Variants in OCA2 observed in about 807,000 individuals in gnomAD.
OCA2 encodes the protein P protein.
OCA2 carries 77 observed loss-of-function variants against 100.2 expected under a neutral mutation model. The observed-to-expected ratio is 0.77, with a 90% confidence interval of 0.64 to 0.93. OCA2 has a LOEUF of 0.93. Among genes scored for constraint, OCA2 ranks in the 40% least tolerant of loss-of-function variants. The pLI, the probability that OCA2 is intolerant of heterozygous loss-of-function variation, is 0.00. For synonymous variants in OCA2, 432 were observed against 439.2 expected, an observed-to-expected ratio of 0.98 and a Z score of 0.21; for missense variants, 1,062 against 1,089.1, an observed-to-expected ratio of 0.98 and a Z score of 0.35.
intron 21 of OCA2, 54 bp downstream of exon 21, chr15:27,871,100 C>G (rs2151495621): frequency 7.5e-7 from 1 of 1,328,920 alleles, no homozygotes; most frequent in South Asian, 1.2e-5. Context: ...AGGGTGAGCC[C>G]CAGGCTATGT....
At chr15:27,791,999 G>T (rs1279060136) in intron 23 of OCA2, among the ~76,000 whole-genome samples, 1 of 152,144 alleles carries the variant, frequency 6.6e-6, no homozygotes, top group Non-Finnish European at 1.5e-5. Context: ...CCAAGGAGGG[G>T]AGGAGCCCAA....
intron 23 of OCA2, among the ~76,000 whole-genome samples, chr15:27,760,892 G>C (rs2030781286): frequency 6.6e-6 from 1 of 152,084 alleles, no homozygotes; most frequent in South Asian, 2.1e-4. Flanking sequence ...GAAAATAAAA[G>C]GGGAGGGAAC....
intron 15 of OCA2, among the ~76,000 whole-genome samples, chr15:27,966,300 C>A (rs1251837922): frequency 1.3e-5 from 2 of 152,134 alleles, no homozygotes; most frequent in African/African-American, 4.8e-5. Flanking sequence ...ATTGACAGGG[C>A]CCATCACCTC....
chr15:27,947,485 CCTCT>C (rs1045286918), intron 18 of OCA2, among the ~76,000 whole-genome samples: 10 of 152,190 alleles, frequency 6.6e-5, no homozygotes, highest in African/African-American at 1.9e-4. Context: ...TCAGGGCTCT[CCTCT>C]CTGTCACCAC....
chr15:27,763,904 G>T lies in OCA2; in HGVS notation c.2433-8432C>A, dbSNP rs2031042723. 1.3e-5 allele frequency among the ~76,000 whole-genome samples: 2 copies of T among 152,204 alleles called. 1 individual carries two copies. The highest frequency in any genetic ancestry group is 4.1e-4 in the South Asian group (2 of 4,830). On this transcript the variant is annotated intron_variant, in intron 23 of 23. Coordinates refer to ENST00000354638, the MANE Select transcript of OCA2 (RefSeq NM_000275.3). ...GACATTTAATATTCACTGAGCTTCA[G>T]GAGAGCTGATCACCCCAGGCCAAGG...
intron 19 of OCA2, chr15:27,895,987 C>T (rs779786940): frequency 8.8e-5 from 72 of 818,632 alleles, no homozygotes; most frequent in South Asian, 1.9e-4. Context: ...TGACCAATTA[C>T]GCTGCGGTGT....
intron 19 of OCA2, among the ~76,000 whole-genome samples, chr15:27,879,833 T>G (rs2036941981): frequency 6.6e-6 from 1 of 152,244 alleles, no homozygotes. Flanking sequence ...TTTCTTTTGC[T>G]GTGCAGAAGT....
chr15:27,958,966 G>A (rs1489599317), intron 15 of OCA2, among the ~76,000 whole-genome samples: 2 of 152,116 alleles, frequency 1.3e-5, no homozygotes, highest in Non-Finnish European at 2.9e-5. Context: ...ATGGGAAAAC[G>A]CCACCTTTTA....
downstream of OCA2, among the ~76,000 whole-genome samples, chr15:27,751,060 G>A (rs539697490): frequency 1.4e-4 from 22 of 152,264 alleles, no homozygotes; most frequent in African/African-American, 5.3e-4. Flanking sequence ...TTCCTCAGAG[G>A]GACCTGTGGC....
At chr15:27,963,823 G>T (rs931533158) in intron 15 of OCA2, among the ~76,000 whole-genome samples, 1 of 151,892 alleles carries the variant, frequency 6.6e-6, no homozygotes, top group African/African-American at 2.4e-5. Context: ...ATCAAAAGCT[G>T]GTTCTTTGAG....
chr15:27,870,847 A>AAAGC (rs981734839), intron 21 of OCA2, among the ~76,000 whole-genome samples: 1 of 152,076 alleles, frequency 6.6e-6, no homozygotes, highest in East Asian at 1.9e-4. Flanking sequence ...AGAAAGAGAG[A>AAAGC]AAGCAAGCAA....
At chr15:28,077,923 TACA>T (rs1385930686) in intron 2 of OCA2, among the ~76,000 whole-genome samples, 7 of 152,140 alleles carry the variant, frequency 4.6e-5, no homozygotes, top group African/African-American at 1.7e-4. Flanking sequence ...CTACTAAATA[TACA>T]ACAATTAGCC....
At chr15:27,827,073 C>T (rs1274603519) in intron 23 of OCA2, among the ~76,000 whole-genome samples, 2 of 152,212 alleles carry the variant, frequency 1.3e-5, no homozygotes, top group African/African-American at 4.8e-5. Context: ...AGACAGTAAG[C>T]AGCCTCTCAC....
intron 2 of OCA2, among the ~76,000 whole-genome samples, chr15:28,052,043 A>AC (rs1422349926): frequency 2.0e-5 from 3 of 151,336 alleles, no homozygotes; most frequent in East Asian, 2.0e-4. Flanking sequence ...CAGATCAGTG[A>AC]CCCCCCTCAG....
chr15:27,740,472 G>A, the OCA2 span, among the ~76,000 whole-genome samples: 5 of 152,124 alleles, frequency 3.3e-5, no homozygotes, highest in African/African-American at 1.2e-4. Flanking sequence ...CGTGCATCTG[G>A]TCATCTCTCC....
At position 28,043,827 on chromosome 15, in the gene OCA2, TC is replaced by T. The variant is rs1393783370; in HGVS notation, c.228-11665del. Among the ~76,000 whole-genome samples, 1 of 152,178 alleles carries T rather than the reference TC, an allele frequency of 6.6e-6. No individual in the cohort carries two copies. The highest frequency in any genetic ancestry group is 1.5e-5 in the Non-Finnish European group (1 of 68,032). On this transcript the variant is annotated intron_variant, in intron 2 of 23. Transcript: ENST00000354638. This position sits in a 1 kb window ranked among gnomAD's most constrained non-coding sequence, Gnocchi z 4.4. ...TGCACAAAGCACAGAAGTATACTCCTCCCAAAACAAACCAGATGGGCTATGC... is the reference window on the plus strand; with the variant it reads ...TGCACAAAGCACAGAAGTATACTCCTCCAAAACAAACCAGATGGGCTATGC...
intron 19 of OCA2, among the ~76,000 whole-genome samples, chr15:27,894,784 C>T (rs1374837401): frequency 6.6e-6 from 1 of 152,170 alleles, no homozygotes; most frequent in Non-Finnish European, 1.5e-5. Context: ...TTGTGACGTA[C>T]ACCTCTGTCT....
chr15:27,769,527 C>A (rs566887929), intron 23 of OCA2, among the ~76,000 whole-genome samples: 1 of 152,076 alleles, frequency 6.6e-6, no homozygotes, highest in African/African-American at 2.4e-5. Flanking sequence ...CAAAAGACTA[C>A]ACATTGGGTG....
intron 18 of OCA2, among the ~76,000 whole-genome samples, chr15:27,951,565 G>A (rs2040027786): frequency 6.6e-6 from 1 of 152,118 alleles, no homozygotes; most frequent in Admixed American, 6.5e-5. Flanking sequence ...GAGTCTAAGG[G>A]GCCAGAGATG....
Sources: gnomAD v4.1 joint callset for allele counts (sites outside exome capture counted in the v4.1 genomes callset) on GRCh38, gnomAD v4.1.1 for gene constraint, Gnocchi (gnomAD v3.1) non-coding constraint, MANE v1.5 for transcripts, NCBI Gene and HGNC (gene_info 2026-07-23, HGNC 2026-07-21) for gene names.